Variants in AUTS2 observed in about 807,000 individuals in gnomAD.
AUTS2 encodes the protein autism susceptibility gene 2 protein.
A neutral mutation model predicts 112.4 loss-of-function variants in AUTS2; 17 were observed. The ratio of observed to expected loss-of-function variants is 0.15; its 90% CI spans 0.10 to 0.23. The LOEUF is 0.23. AUTS2 is among the 10% of genes least tolerant of loss of function. AUTS2 has a pLI of 1.00. For synonymous variants in AUTS2, 751 were observed against 702.7 expected (o/e 1.07, Z -1.09); for missense variants, 1,510 against 1,701.6 (o/e 0.89, Z 1.98).
chr7:70,486,388 T>C lies in AUTS2; in HGVS notation c.690+50607T>C, dbSNP rs138357446. ...AAGATTAAATGAAGTAATAGTAGTA[T>C]ATGTCAAGTGCTTATTAGTGCAGTG... On this transcript the variant is annotated intron_variant, in intron 5 of 18. Coordinates refer to ENST00000342771, the MANE Select transcript of AUTS2 (RefSeq NM_015570.4). Among the ~76,000 whole-genome samples the C allele has an allele frequency of 3.0e-4, 45 of 152,356 alleles. No individual in the cohort carries two copies. In the East Asian group the frequency reaches 7.9e-3, roughly 27 times the overall value.
At chr7:70,302,087 T>G (rs1344240569) in intron 4 of AUTS2, among the ~76,000 whole-genome samples, 1 of 152,174 alleles carries the variant, frequency 6.6e-6, no homozygotes, top group African/African-American at 2.4e-5. Context: ...ACAGTGCCCT[T>G]AAAGCCAAAG....
At chr7:70,273,656 G>C (rs1474618012) in intron 4 of AUTS2, among the ~76,000 whole-genome samples, 1 of 152,034 alleles carries the variant, frequency 6.6e-6, no homozygotes, top group Non-Finnish European at 1.5e-5. Flanking sequence ...TTGGTATACT[G>C]AGGGAATTGG....
intron 4 of AUTS2, among the ~76,000 whole-genome samples, chr7:70,146,151 T>C (rs1807111433): frequency 1.3e-5 from 2 of 152,124 alleles, no homozygotes; most frequent in Admixed American, 1.3e-4. Flanking sequence ...GGTTAGAGTT[T>C]GGGTTCCCTA....
intron 4 of AUTS2, among the ~76,000 whole-genome samples, chr7:70,419,587 A>G (rs1484637252): frequency 6.6e-6 from 1 of 152,238 alleles, no homozygotes; most frequent in African/African-American, 2.4e-5. Context: ...TGAAATTTTT[A>G]AACAAATTAT....
intron 4 of AUTS2, among the ~76,000 whole-genome samples, chr7:70,426,684 C>T (rs1398242756): frequency 1.3e-5 from 2 of 152,124 alleles, no homozygotes; most frequent in African/African-American, 2.4e-5. Context: ...AAGTAATGAG[C>T]TATGGCACTT....
chr7:70,143,565 A>G (rs1353882489), intron 4 of AUTS2, among the ~76,000 whole-genome samples: 1 of 152,262 alleles, frequency 6.6e-6, no homozygotes, highest in Non-Finnish European at 1.5e-5. Context: ...GCTAACAGCC[A>G]TGTCAAAGGG....
At chr7:69,754,234 G>A (rs1787856604) in intron 1 of AUTS2, among the ~76,000 whole-genome samples, 1 of 152,162 alleles carries the variant, frequency 6.6e-6, no homozygotes, top group Non-Finnish European at 1.5e-5. Flanking sequence ...CATCTGTTGA[G>A]AAGGGGTGGG....
At chr7:70,030,598 T>C (rs1422717870) in intron 2 of AUTS2, among the ~76,000 whole-genome samples, 2 of 152,108 alleles carry the variant, frequency 1.3e-5, no homozygotes, top group African/African-American at 4.8e-5. Flanking sequence ...GAGAAACCAA[T>C]TAGACAAGGA....
At chr7:70,334,973 T>A (rs10229155) in intron 4 of AUTS2, among the ~76,000 whole-genome samples, 1 of 151,888 alleles carries the variant, frequency 6.6e-6, no homozygotes, top group Non-Finnish European at 1.5e-5. Flanking sequence ...CCAAGGTTCC[T>A]GAGATTTTTG....
Position 69,879,309 on chromosome 7 carries a change from AT to A in AUTS2, c.310-19967del, listed in dbSNP as rs397965078. ...CAGGCATGTGCCACCATGCCCGGCT[AT>A]TTTTTTTTTCTTTTTTTTTTGTAGA... On this transcript the variant is annotated intron_variant, in intron 1 of 18. Coordinates refer to ENST00000342771, the MANE Select transcript of AUTS2 (RefSeq NM_015570.4). 2.3e-4 allele frequency among the ~76,000 whole-genome samples: 31 copies of A among 133,678 alleles called. No individual in the cohort carries two copies. The South Asian group carries it at 4.1e-3, about 18-fold the overall frequency. 87.7% of individuals were successfully genotyped at this position (133,678 alleles called of 152,430 possible).
At chr7:69,964,514 G>C (rs535108666) in intron 2 of AUTS2, among the ~76,000 whole-genome samples, 23 of 152,174 alleles carry the variant, frequency 1.5e-4, no homozygotes, top group African/African-American at 5.5e-4. Context: ...TTATCAATGG[G>C]GAATTTGTTA....
At chr7:70,636,948 G>T (rs1469324292) in intron 5 of AUTS2, among the ~76,000 whole-genome samples, 1 of 152,116 alleles carries the variant, frequency 6.6e-6, no homozygotes, top group Non-Finnish European at 1.5e-5. Context: ...TGTCCAGAAA[G>T]TGCTTTTTAA....
chr7:69,678,612 T>C (rs1042510218), intron 1 of AUTS2, among the ~76,000 whole-genome samples: 3 of 152,204 alleles, frequency 2.0e-5, no homozygotes, highest in South Asian at 2.1e-4. Flanking sequence ...AGAAACTCAA[T>C]TGTGGCCTTT....
chr7:69,871,182 T>G (rs1261190278), intron 1 of AUTS2, among the ~76,000 whole-genome samples: 1 of 152,188 alleles, frequency 6.6e-6, no homozygotes, highest in Non-Finnish European at 1.5e-5. Context: ...TCAGTGTGAT[T>G]GGCTAATACA....
chr7:69,874,605 C>T (rs1160492705), intron 1 of AUTS2, among the ~76,000 whole-genome samples: 3 of 151,710 alleles, frequency 2.0e-5, no homozygotes, highest in Non-Finnish European at 4.4e-5. Context: ...CAACAGATGG[C>T]GGAGATTAAG....
At chr7:70,338,474 T>C (rs1290460349) in intron 4 of AUTS2, among the ~76,000 whole-genome samples, 1 of 152,234 alleles carries the variant, frequency 6.6e-6, no homozygotes, top group Non-Finnish European at 1.5e-5. Context: ...TGTGAGATCA[T>C]AGGAAAATTT....
intron 4 of AUTS2, among the ~76,000 whole-genome samples, chr7:70,270,142 A>G (rs1018708306): frequency 1.3e-4 from 20 of 152,252 alleles, no homozygotes; most frequent in Middle Eastern, 3.4e-3. Context: ...TAAACATTCC[A>G]TGTAGTCTTG....
intron 4 of AUTS2, among the ~76,000 whole-genome samples, chr7:70,390,141 C>T (rs968268207): frequency 5.3e-5 from 8 of 152,130 alleles, no homozygotes; most frequent in African/African-American, 1.2e-4. Context: ...ACCAATGCAC[C>T]GAAGAAGAGA....
At chr7:70,017,303 G>C (rs779517096) in intron 2 of AUTS2, among the ~76,000 whole-genome samples, 29 of 152,172 alleles carry the variant, frequency 1.9e-4, no homozygotes, top group Non-Finnish European at 3.4e-4. Context: ...ATGGGAGGGA[G>C]GGAGATTATT....
Sources: gnomAD v4.1 joint callset for allele counts (sites outside exome capture counted in the v4.1 genomes callset) on GRCh38, gnomAD v4.1.1 for gene constraint, MANE v1.5 for transcripts, NCBI Gene and HGNC (gene_info 2026-07-23, HGNC 2026-07-21) for gene names.